The following CLSTN2 variants were observed in gnomAD, a reference collection of about 807,000 sequenced individuals.
The protein encoded by CLSTN2 is calsyntenin-2.
Under a neutral mutation model 101.2 loss-of-function variants are expected in CLSTN2, and 48 were observed. That is an observed-to-expected ratio of 0.47 (90% CI 0.38 to 0.60). CLSTN2 has a LOEUF of 0.60. Ranked by LOEUF, CLSTN2 falls within the 20% of genes least tolerant of loss-of-function variation. The pLI is 0.00. For missense variants in CLSTN2, 1,160 were observed against 1,238.2 expected (o/e 0.94, Z 0.95); for synonymous variants, 481 against 463.6 (o/e 1.04, Z -0.48).
intron 2 of CLSTN2, among the ~76,000 whole-genome samples, chr3:140,222,543 T>C (rs2086282963): frequency 6.6e-6 from 1 of 152,206 alleles, no homozygotes; most frequent in African/African-American, 2.4e-5. Context: ...GATGTGATTA[T>C]TATGCATTGC....
At position 140,546,643 on chromosome 3, in the gene CLSTN2, G is replaced by C; in HGVS notation, c.1636G>C (p.Asp546His). The change falls in exon 10 of 17, where the codon GAC (aspartate) becomes CAC (histidine). Residue 546 changes from aspartate (D) to histidine (H), a missense_variant. Physicochemically the swap from Asp to His is moderately conservative, Grantham distance 81. Coordinates refer to ENST00000458420, the MANE Select transcript of CLSTN2 (RefSeq NM_022131.3). ...CCTGCAGGCCTGCAAGGAAGGGCTG[G>C]ACATTAATTCCTTGGAAAGCCTTGG... is the stretch of plus-strand genomic sequence containing the variant. ...SCLQACKEGLDINSLESLGQG... is the reference protein window; with the variant it reads ...SCLQACKEGLHINSLESLGQG... 1 of 1,613,826 alleles carries C rather than the reference G, an allele frequency of 6.2e-7. No homozygotes were observed. The highest frequency in any genetic ancestry group is 8.5e-7 in the Non-Finnish European group (1 of 1,179,934).
intron 2 of CLSTN2, among the ~76,000 whole-genome samples, chr3:140,271,419 A>T (rs961701739): frequency 6.6e-6 from 1 of 152,200 alleles, no homozygotes; most frequent in Non-Finnish European, 1.5e-5. Context: ...TATTATGTAC[A>T]TGGCAAATAT....
At chr3:140,476,261 G>A (rs555437375) in intron 8 of CLSTN2, among the ~76,000 whole-genome samples, 2 of 152,354 alleles carry the variant, frequency 1.3e-5, no homozygotes, top group African/African-American at 2.4e-5. Flanking sequence ...TGATGCAAAG[G>A]CACTGGCCAC....
chr3:140,560,695 T>C (rs1576378214), intron 12 of CLSTN2, among the ~76,000 whole-genome samples: 1 of 152,076 alleles, frequency 6.6e-6, no homozygotes. Flanking sequence ...ATAATACCCA[T>C]GGTGAGAGAG....
intron 1 of CLSTN2, among the ~76,000 whole-genome samples, chr3:139,970,841 T>C (rs1025308403): frequency 2.6e-5 from 4 of 152,176 alleles, no homozygotes; most frequent in African/African-American, 9.7e-5. Flanking sequence ...GAAATAGTTC[T>C]TATATGTAAT....
intron 1 of CLSTN2, among the ~76,000 whole-genome samples, chr3:140,031,399 A>G (rs563257206): frequency 6.6e-6 from 1 of 152,312 alleles, no homozygotes; most frequent in South Asian, 2.1e-4. Flanking sequence ...GCCGCTTGGA[A>G]GTGTCCCAGG....
At chr3:140,471,318 C>A (rs1933842043) in intron 8 of CLSTN2, among the ~76,000 whole-genome samples, 1 of 152,160 alleles carries the variant, frequency 6.6e-6, no homozygotes, top group Non-Finnish European at 1.5e-5. Context: ...CCCTTTGGAC[C>A]TGGTATGGTG....
intron 2 of CLSTN2, among the ~76,000 whole-genome samples, chr3:140,186,485 T>C (rs901049563): frequency 2.0e-5 from 3 of 152,220 alleles, no homozygotes; most frequent in Non-Finnish European, 2.9e-5. Context: ...CAGATATTTA[T>C]AGTTTATTCT....
intron 2 of CLSTN2, among the ~76,000 whole-genome samples, chr3:140,266,670 C>T (rs1406560422): frequency 6.6e-6 from 1 of 152,118 alleles, no homozygotes; most frequent in Non-Finnish European, 1.5e-5. Flanking sequence ...TGGTTTCATC[C>T]ACCTTGTCTA....
chr3:140,463,374 G>C (rs959514022), intron 7 of CLSTN2, among the ~76,000 whole-genome samples: 2 of 152,106 alleles, frequency 1.3e-5, no homozygotes, highest in Non-Finnish European at 2.9e-5. Flanking sequence ...CCAGGTGAGA[G>C]AGATGGAGAT....
intron 4 of CLSTN2, among the ~76,000 whole-genome samples, chr3:140,410,399 T>A (rs2088349897): frequency 7.9e-6 from 1 of 126,594 alleles, no homozygotes; most frequent in African/African-American, 2.7e-5. Flanking sequence ...TTTAAGATGC[T>A]GAAATAAAAA....
chr3:140,308,845 C>T (rs779021954), intron 2 of CLSTN2, among the ~76,000 whole-genome samples: 28 of 152,236 alleles, frequency 1.8e-4, no homozygotes, highest in Non-Finnish European at 4.1e-4. Context: ...CCATCCTCCC[C>T]CATTCTGCTG....
chr3:140,520,989 C>T (rs1490293052), intron 8 of CLSTN2, among the ~76,000 whole-genome samples: 1 of 151,424 alleles, frequency 6.6e-6, no homozygotes, highest in Non-Finnish European at 1.5e-5. Context: ...ATGTTGTGTT[C>T]CTCTCTAAAC....
At chr3:139,962,659 C>A (rs913510392) in intron 1 of CLSTN2, among the ~76,000 whole-genome samples, 1 of 152,064 alleles carries the variant, frequency 6.6e-6, no homozygotes, top group African/African-American at 2.4e-5. Context: ...TAAGAATTTT[C>A]TTCTTTTCGT....
At chr3:140,143,741 T>A (rs911719000) in intron 1 of CLSTN2, among the ~76,000 whole-genome samples, 1 of 152,188 alleles carries the variant, frequency 6.6e-6, no homozygotes. Context: ...GATGCTCTGA[T>A]AGCAAACTTC....
intron 1 of CLSTN2, among the ~76,000 whole-genome samples, chr3:140,171,976 TAATTTTTAACCATATAATCACCTTGGG>T (rs1247646416): frequency 4.1e-5 from 6 of 145,638 alleles, no homozygotes; most frequent in African/African-American, 1.5e-4. Context: ...TCCTACTTAT[TAATTTTTAACCATATAATCACCTTGGG>T]AAAGTTACGC....
rs201408350 is a variant in CLSTN2 at position 140,532,504 on chromosome 3, C to A, written c.1507+18C>A. Reference sequence around the variant, plus strand: ...TTGGCAAGGTAATCCTAAGTGAAACCCTTTTCTCTGACCTGTTTGTGAATA... The same window carrying A: ...TTGGCAAGGTAATCCTAAGTGAAACACTTTTCTCTGACCTGTTTGTGAATA... On this transcript the variant is annotated intron_variant, in intron 9 of 16. Transcript: ENST00000458420. 3 of 1,603,492 alleles carry A rather than the reference C, an allele frequency of 1.9e-6. No individual in the cohort carries two copies. The highest frequency in any genetic ancestry group is 1.3e-5 in the African/African-American group (1 of 74,734).
Position 139,936,000 on chromosome 3 carries a change from TCC to T in CLSTN2, c.109+520_109+521del, listed in dbSNP as rs1935013066. On this transcript the variant is annotated intron_variant, in intron 1 of 16. Coordinates refer to ENST00000458420, the MANE Select transcript of CLSTN2 (RefSeq NM_022131.3). This position sits in a 1 kb window ranked among gnomAD's most constrained non-coding sequence, Gnocchi z 5.5. ...CAAGCTCCCCCAGGGCGTCTCTGAC[TCC>T]CCGGGGAACGTGTACCCTCCGGGTA... 2.6e-5 allele frequency among the ~76,000 whole-genome samples: 4 copies of T among 151,640 alleles called. No homozygotes were observed. In the South Asian group the frequency reaches 8.4e-4, roughly 32 times the overall value.
intron 4 of CLSTN2, among the ~76,000 whole-genome samples, chr3:140,410,238 A>C (rs543179930): frequency 2.4e-4 from 37 of 152,168 alleles, no homozygotes; most frequent in African/African-American, 8.9e-4. Context: ...CTTTGCCATG[A>C]CACATTATAA....
Sources: gnomAD v4.1 joint callset for allele counts (sites outside exome capture counted in the v4.1 genomes callset) on GRCh38, gnomAD v4.1.1 for gene constraint, Gnocchi (gnomAD v3.1) non-coding constraint, MANE v1.5 for transcripts, NCBI Gene and HGNC (gene_info 2026-07-23, HGNC 2026-07-21) for gene names.